Variants in GMCL1 observed in about 807,000 individuals in gnomAD.
GMCL1 encodes the protein germ cell-less protein-like 1.
In GMCL1, 54 loss-of-function variants were observed where a neutral mutation model predicts 75.5. The observed-to-expected ratio is 0.71, with a 90% CI of 0.57 to 0.90. The LOEUF is 0.90. Among genes scored for constraint, GMCL1 ranks in the 40% least tolerant of loss-of-function variants. The pLI, the probability that GMCL1 is intolerant of heterozygous loss-of-function variation, is 0.00. For missense variants in GMCL1, 537 were observed against 622.7 expected, an observed-to-expected ratio of 0.86 and a Z score of 1.47; for synonymous variants, 210 against 209.6, an observed-to-expected ratio of 1.00 and a Z score of -0.02.
At chr2:69,876,354 C>T (rs1200572042) in intron 13 of GMCL1, among the ~76,000 whole-genome samples, 5 of 152,072 alleles carry the variant, frequency 3.3e-5, no homozygotes, top group African/African-American at 1.2e-4. Flanking sequence ...AGATGGTTTT[C>T]TGATTTGAGC....
intron 10 of GMCL1, among the ~76,000 whole-genome samples, chr2:69,864,554 A>G (rs1191833995): frequency 6.7e-6 from 1 of 148,828 alleles, no homozygotes; most frequent in Admixed American, 6.7e-5. Flanking sequence ...CAGAAATAAT[A>G]GATTTTAGCT....
chr2:69,858,762 AG>A (rs962816979), intron 9 of GMCL1, among the ~76,000 whole-genome samples: 11 of 152,258 alleles, frequency 7.2e-5, no homozygotes, highest in African/African-American at 2.7e-4. Flanking sequence ...AACTATGACA[AG>A]AGGAACAAAA....
chr2:69,843,473 T>C (rs1401280109), intron 5 of GMCL1, among the ~76,000 whole-genome samples: 1 of 152,172 alleles, frequency 6.6e-6, no homozygotes, highest in African/African-American at 2.4e-5. Flanking sequence ...CATAGGTGGG[T>C]TATATACATG....
At chr2:69,872,058 G>T (rs989787248) in intron 13 of GMCL1, among the ~76,000 whole-genome samples, 1 of 152,182 alleles carries the variant, frequency 6.6e-6, no homozygotes, top group African/African-American at 2.4e-5. Context: ...TGTTTGAGGG[G>T]CAGGGAAACA....
intron 10 of GMCL1, among the ~76,000 whole-genome samples, chr2:69,863,856 C>G (rs921275271): frequency 9.2e-5 from 14 of 152,010 alleles, no homozygotes; most frequent in Non-Finnish European, 1.2e-4. Flanking sequence ...CATTAAATTC[C>G]TTTACATTTT....
At chr2:69,865,661 T>G (rs1675793638) in intron 11 of GMCL1, among the ~76,000 whole-genome samples, 1 of 151,900 alleles carries the variant, frequency 6.6e-6, no homozygotes, top group African/African-American at 2.4e-5. Flanking sequence ...AAAAAAAAGA[T>G]ATTTTTTCAT....
rs866724222 is a variant in GMCL1 at position 69,851,009 on chromosome 2, G to C, written c.934+1267G>C. ...TTCTGTGAGATATCTGTTCAGGTAT[G>C]TTTCCTATTTTAATGTCAGATTTGT... is the stretch of plus-strand genomic sequence containing the variant. On this transcript the variant is annotated intron_variant, in intron 8 of 13. Transcript: ENST00000282570. Among the ~76,000 whole-genome samples the C allele has an allele frequency of 5.9e-5, 9 of 152,170 alleles. 1 individual carries two copies. Among genetic ancestry groups the C allele is most frequent in the Admixed American group, 5.9e-4 (9 of 15,278 alleles).
intron 12 of GMCL1, among the ~76,000 whole-genome samples, chr2:69,870,333 T>A (rs1340411824): frequency 6.6e-6 from 1 of 152,048 alleles, no homozygotes; most frequent in Non-Finnish European, 1.5e-5. Flanking sequence ...TATTTATACT[T>A]ACCTTACACC....
chr2:69,831,965 A>G (rs1427753305), intron 1 of GMCL1, among the ~76,000 whole-genome samples: 2 of 152,188 alleles, frequency 1.3e-5, no homozygotes, highest in Non-Finnish European at 2.9e-5. Context: ...TCATGCCTAT[A>G]ATCCCAGCAC....
At chr2:69,833,348 C>T (rs1420868660) in intron 1 of GMCL1, among the ~76,000 whole-genome samples, 1 of 152,102 alleles carries the variant, frequency 6.6e-6, no homozygotes, top group African/African-American at 2.4e-5. Context: ...GGCGTGGTGG[C>T]TCACGCCTGT....
chr2:69,863,194 T>C (rs1296160692), intron 10 of GMCL1, among the ~76,000 whole-genome samples: 1 of 152,210 alleles, frequency 6.6e-6, no homozygotes, highest in Non-Finnish European at 1.5e-5. Flanking sequence ...TGGCTCTCCA[T>C]ATACACAGAT....
intron 2 of GMCL1, among the ~76,000 whole-genome samples, chr2:69,837,943 A>T (rs1674866994): frequency 6.6e-6 from 1 of 152,192 alleles, no homozygotes; most frequent in Admixed American, 6.5e-5. Flanking sequence ...TGTTGATAAA[A>T]GGGGAAAAGT....
intron 4 of GMCL1, among the ~76,000 whole-genome samples, chr2:69,842,473 C>G (rs1332079378): frequency 6.6e-6 from 1 of 151,922 alleles, no homozygotes; most frequent in African/African-American, 2.4e-5. Flanking sequence ...AACTCTGGTC[C>G]TTTTGGTTTT....
chr2:69,842,207 C>T (rs995470637), intron 4 of GMCL1, among the ~76,000 whole-genome samples: 6 of 152,064 alleles, frequency 3.9e-5, no homozygotes, highest in Admixed American at 3.9e-4. Flanking sequence ...CAGGGATAAT[C>T]CACTGGACTT....
At chr2:69,843,993 C>G (rs983922584) in intron 5 of GMCL1, 138 bp from the exon 6 acceptor site, 2 of 448,802 alleles carry the variant, frequency 4.5e-6, no homozygotes, top group African/African-American at 4.1e-5. Context: ...AAAAATAATA[C>G]TAAATTTCCT....
chr2:69,854,760 A>C, intron 8 of GMCL1, 63 bp from the exon 9 acceptor site: 5 of 1,437,262 alleles, frequency 3.5e-6, no homozygotes, highest in Non-Finnish European at 4.8e-6. Context: ...CCCCGTCCAC[A>C]AAAACATTTA....
At chr2:69,831,324 A>G (rs1674664708) in intron 1 of GMCL1, among the ~76,000 whole-genome samples, 1 of 151,066 alleles carries the variant, frequency 6.6e-6, no homozygotes, top group Non-Finnish European at 1.5e-5. Context: ...TTGGTTTATA[A>G]AACCTTTTGT....
chr2:69,834,894 T>A lies in GMCL1; in HGVS notation c.261-2653T>A, dbSNP rs1187596951. 2.0e-5 allele frequency among the ~76,000 whole-genome samples: 3 copies of A among 152,184 alleles called. No homozygotes were observed. The East Asian group carries it at 5.8e-4, about 29-fold the overall frequency. ...CCTGTCTCTTCTTTTTTCCTTTCTT[T>A]GTCTTTTTGCTTTATGTTCTGGGAA... On this transcript the variant is annotated intron_variant, in intron 1 of 13. Coordinates refer to ENST00000282570, the MANE Select transcript of GMCL1 (RefSeq NM_178439.5).
chr2:69,847,636 G>A lies in GMCL1; in HGVS notation c.843+9G>A, dbSNP rs1487553013. The stretch of plus-strand genomic sequence containing the variant: ...ACACTGCTCTAAAAAAGGTACTGAC[G>A]TAATATGATGTCATATTATACAAGG... On this transcript the variant is annotated intron_variant, in intron 7 of 13. Coordinates refer to ENST00000282570, the MANE Select transcript of GMCL1 (RefSeq NM_178439.5). 9 of 1,512,238 alleles carry A rather than the reference G, an allele frequency of 6.0e-6. No individual in the cohort carries two copies. Among genetic ancestry groups the A allele is most frequent in the African/African-American group, 4.1e-5 (3 of 72,788 alleles). The allele number at this position is 1,512,238 out of a possible 1,614,324, so 93.7% of individuals were successfully genotyped here.
Sources: allele counts gnomAD v4.1 joint callset (sites outside exome capture counted in the v4.1 genomes callset), GRCh38; gene constraint gnomAD v4.1.1; transcripts MANE v1.5; gene names NCBI Gene and HGNC (gene_info 2026-07-23, HGNC 2026-07-21).